Variants in ERVFRD-1 observed in about 807,000 individuals in gnomAD.
ERVFRD-1 encodes the protein syncytin-2.
In ERVFRD-1, 33 loss-of-function variants were observed where a neutral mutation model predicts 43.8. That is an observed-to-expected ratio of 0.75 (90% CI 0.57 to 1.01). The LOEUF is 1.01. Among genes scored for constraint, ERVFRD-1 ranks in the 50% least tolerant of loss-of-function variants. The pLI, the probability that ERVFRD-1 is intolerant of heterozygous loss-of-function variation, is 0.00. For missense variants in ERVFRD-1, 568 were observed against 658.4 expected (o/e 0.86, Z 1.50); for synonymous variants, 239 against 244.4 (o/e 0.98, Z 0.21).
rs1581910652 is a variant in ERVFRD-1 at position 11,102,721 on chromosome 6, T to A, written c.*973A>T. The A allele has an allele frequency of 6.6e-6, 1 of 152,208 alleles. No individual in the cohort carries two copies. Among genetic ancestry groups the A allele is most frequent in the East Asian group, 1.9e-4 (1 of 5,198 alleles). The allele number at this position is 152,208 out of a possible 1,614,324, so 9.4% of individuals were successfully genotyped here. On this transcript the variant is annotated 3_prime_UTR_variant, in exon 2 of 2. Transcript: ENST00000472091. The stretch of plus-strand genomic sequence containing the variant: ...CTGTTTACACTGAGTCGGGTGTTAG[T>A]TTGCTTGGTGCTGGAACCTAAATGG...
intron 1 of ERVFRD-1, among the ~76,000 whole-genome samples, chr6:11,108,294 C>CT: frequency 6.6e-6 from 1 of 152,218 alleles, no homozygotes; most frequent in East Asian, 1.9e-4. Flanking sequence ...CAAAAGAAAA[C>CT]TTACAGTCCT....
chr6:11,104,299 G>C lies in ERVFRD-1; in HGVS notation c.1012C>G (p.Pro338Ala). 1.3e-6 allele frequency: 2 copies of C among 1,551,676 alleles called. No individual in the cohort carries two copies. The highest frequency in any genetic ancestry group is 1.7e-6 in the Non-Finnish European group (2 of 1,146,982). The change falls in exon 2 of 2, where the codon CCA becomes GCA. Residue 338 changes from proline (P) to alanine (A), a missense_variant. Coordinates refer to ENST00000472091, the MANE Select transcript of ERVFRD-1 (RefSeq NM_207582.3). The part of the protein sequence containing the change: ...IAPGNLSLPI[P>A]IYGNSPLPRV... ...GGCAACGGGGAATTCCCATAGATTG[G>C]TATTGGAAGAGAGAGATTGCCAGGG...
chr6:11,103,190 C>T lies in ERVFRD-1; in HGVS notation c.*504G>A, dbSNP rs549762974. 1.3e-5 allele frequency: 2 copies of T among 154,996 alleles called. No homozygotes were observed. Among genetic ancestry groups the T allele is most frequent in the South Asian group, 4.0e-4 (2 of 4,950 alleles). 9.6% of individuals were successfully genotyped at this position (154,996 alleles called of 1,614,324 possible). On this transcript the variant is annotated 3_prime_UTR_variant, in exon 2 of 2. Transcript: ENST00000472091. Reference sequence around the variant, plus strand: ...AGGAAGGTCATATATGAGTTAAATGCCACTATTTTGCCTCTTAGGGTGCAT... The same window carrying T: ...AGGAAGGTCATATATGAGTTAAATGTCACTATTTTGCCTCTTAGGGTGCAT...
rs1320246812 is a variant in ERVFRD-1, at chr6:11,104,467, G to C, written c.844C>G (p.Pro282Ala). The C allele has an allele frequency of 1.9e-6, 3 of 1,552,322 alleles. No individual in the cohort carries two copies. The highest frequency in any genetic ancestry group is 2.6e-6 in the Non-Finnish European group (3 of 1,147,252). The change falls in exon 2 of 2, where the codon CCC (proline) becomes GCC (alanine). Residue 282 changes from proline to alanine, a missense_variant. By Grantham distance (27) the Pro-to-Ala change is conservative. Coordinates refer to ENST00000472091, the MANE Select transcript of ERVFRD-1 (RefSeq NM_207582.3). ...GTAGAGATATGGAAATGAAATAAGG[G>C]GGTGAGGGAGGTTCCAAAAAATTCT... ...VSEFFGTSLT[P>A]LFHFHISTCL...
chr6:11,110,452 T>C (rs1758150533), intron 1 of ERVFRD-1, among the ~76,000 whole-genome samples: 1 of 152,204 alleles, frequency 6.6e-6, no homozygotes, highest in Non-Finnish European at 1.5e-5. Flanking sequence ...ATTTCCCATG[T>C]TCTTTAAGAA....
In ERVFRD-1 at chr6:11,103,163, A is replaced by G. The variant is rs1758020856; in HGVS notation, c.*531T>C. ...TTTCCCTTACCAGTCAAGCCTTCCT[A>G]AAGGAAGGTCATATATGAGTTAAAT... On this transcript the variant is annotated 3_prime_UTR_variant, in exon 2 of 2. Coordinates refer to ENST00000472091, the MANE Select transcript of ERVFRD-1 (RefSeq NM_207582.3). 1 of 152,724 alleles carries G rather than the reference A, an allele frequency of 6.5e-6. No homozygotes were observed. The highest frequency in any genetic ancestry group is 2.4e-5 in the African/African-American group (1 of 41,440). 9.5% of individuals were successfully genotyped at this position (152,724 alleles called of 1,614,324 possible). A position where few individuals can be genotyped will look rare whatever the true frequency, so the allele number is the denominator to read the frequency against.
chr6:11,111,268 A>G (rs1357655439), intron 1 of ERVFRD-1, among the ~76,000 whole-genome samples: 1 of 152,244 alleles, frequency 6.6e-6, no homozygotes, highest in East Asian at 1.9e-4. Flanking sequence ...CTTACCCCCA[A>G]GGCAGTTGGT....
At chr6:11,111,522 G>A (rs1581915128) in intron 1 of ERVFRD-1, among the ~76,000 whole-genome samples, 155 bp downstream of exon 1, 1 of 152,312 alleles carries the variant, frequency 6.6e-6, no homozygotes, top group East Asian at 1.9e-4. Context: ...TTCGGGGTGA[G>A]CAGAGAGAGC....
Position 11,104,625 on chromosome 6 carries a change from A to G in ERVFRD-1, c.686T>C (p.Leu229Pro), listed in dbSNP as rs779084560. ...SNLSSTAEWV[L>P]LDQTRNSLFW... ...AAGAGAATTTCGAGTTTGGTCCAAT[A>G]GAACCCATTCCGCTGTAGAGCTGAG... Residue 229 changes from leucine (L) to proline (P), a missense_variant, in exon 2 of 2, where the codon CTA becomes CCA. Coordinates refer to ENST00000472091, the MANE Select transcript of ERVFRD-1 (RefSeq NM_207582.3). 4 of 1,614,248 alleles carry G rather than the reference A, an allele frequency of 2.5e-6. No homozygotes were observed. Among genetic ancestry groups the G allele is most frequent in the Non-Finnish European group, 2.5e-6 (3 of 1,180,052 alleles).
chr6:11,104,451 T>G lies in ERVFRD-1; in HGVS notation c.860A>C (p.His287Pro). 2 of 1,551,836 alleles carry G rather than the reference T, an allele frequency of 1.3e-6. No individual in the cohort carries two copies. Among genetic ancestry groups the G allele is most frequent in the Non-Finnish European group, 1.7e-6 (2 of 1,147,066 alleles). Residue 287 changes from histidine (H) to proline (P), a missense_variant, in exon 2 of 2, where the codon CAT becomes CCT. By Grantham distance (77) the His-to-Pro change is moderately conservative. Transcript: ENST00000472091. ...TTGAGTTTTAAGGCATGTAGAGATATGGAAATGAAATAAGGGGGTGAGGGA... is the reference window on the plus strand; with the variant it reads ...TTGAGTTTTAAGGCATGTAGAGATAGGGAAATGAAATAAGGGGGTGAGGGA... ...GTSLTPLFHF[H>P]ISTCLKTQGA...
chr6:11,103,530 CAG>C lies in ERVFRD-1; in HGVS notation c.*162_*163del, dbSNP rs1198507882. ...GTCTTCTTTAACTGCTTCCTGCTGA[CAG>C]AGGGGCTGTAGTGGTTGTTCTGTGG... On this transcript the variant is annotated 3_prime_UTR_variant, in exon 2 of 2. Coordinates refer to ENST00000472091, the MANE Select transcript of ERVFRD-1 (RefSeq NM_207582.3). 1 of 1,015,828 alleles carries C rather than the reference CAG, an allele frequency of 9.8e-7. No individual in the cohort carries two copies. The highest frequency in any genetic ancestry group is 1.4e-6 in the Non-Finnish European group (1 of 735,412). 62.9% of individuals were successfully genotyped at this position (1,015,828 alleles called of 1,614,324 possible).
rs778724076 is a variant in ERVFRD-1, at chr6:11,103,848, C to T, written c.1463G>A (p.Gly488Asp). ...CAAAAGTAGGAGACTAACAAGTGGG[C>T]CTGTAAGGGGAAGAACCCAAGAGAA... is the stretch of plus-strand genomic sequence containing the variant. ...KWFSWVLPLTGPLVSLLLLLL... is the reference protein window; with the variant it reads ...KWFSWVLPLTDPLVSLLLLLL... Residue 488 changes from glycine (G) to aspartate (D), a missense_variant, in exon 2 of 2, where the codon GGC becomes GAC. Coordinates refer to ENST00000472091, the MANE Select transcript of ERVFRD-1 (RefSeq NM_207582.3). 4 of 1,551,610 alleles carry T rather than the reference C, an allele frequency of 2.6e-6. No individual in the cohort carries two copies. The highest frequency in any genetic ancestry group is 2.4e-5 in the East Asian group (1 of 40,920).
intron 1 of ERVFRD-1, among the ~76,000 whole-genome samples, chr6:11,106,437 A>G (rs905761674): frequency 2.6e-5 from 4 of 152,200 alleles, no homozygotes; most frequent in African/African-American, 7.2e-5. Flanking sequence ...CCTGTTGAAT[A>G]GTTTTATTTA....
Position 11,103,424 on chromosome 6 carries a change from T to C in ERVFRD-1, c.*270A>G, listed in dbSNP as rs542789033. 2.7e-4 allele frequency: 119 copies of C among 437,672 alleles called. No individual in the cohort carries two copies. In the East Asian group the frequency reaches 4.3e-3, roughly 16 times the overall value. The allele number at this position is 437,672 out of a possible 1,614,324, so 27.1% of individuals were successfully genotyped here. ...AGGGGGCCCTCCCCTGCCCTGCTCA[T>C]GTCTGACTAGCTACCTGCTCCAACA... is the stretch of plus-strand genomic sequence containing the variant. On this transcript the variant is annotated 3_prime_UTR_variant, in exon 2 of 2. Coordinates refer to ENST00000472091, the MANE Select transcript of ERVFRD-1 (RefSeq NM_207582.3).
chr6:11,111,173 T>C (rs1325947874), intron 1 of ERVFRD-1, among the ~76,000 whole-genome samples: 3 of 152,086 alleles, frequency 2.0e-5, no homozygotes, highest in Non-Finnish European at 4.4e-5. Context: ...GAGCTGCGGG[T>C]GCATGAATAA....
chr6:11,108,729 T>G (rs1010758365), intron 1 of ERVFRD-1, among the ~76,000 whole-genome samples: 2 of 152,202 alleles, frequency 1.3e-5, no homozygotes, highest in African/African-American at 4.8e-5. Context: ...GAACCTACTT[T>G]GCAGATGTCA....
rs1561752871 is a variant in ERVFRD-1, at chr6:11,104,733, C to G, written c.578G>C (p.Cys193Ser). Reference protein sequence around the residue: ...GTLLDKSSRFCQGRPSSCSTR... With the variant: ...GTLLDKSSRFSQGRPSSCSTR... ...ACTGCATGAGCTTGGGCGTCCCTGG[C>G]AAAACCGGCTGGATTTATCTAGCAA... Residue 193 changes from cysteine (C) to serine (S), a missense_variant, in exon 2 of 2, where the codon TGC (cysteine) becomes TCC (serine). Coordinates refer to ENST00000472091, the MANE Select transcript of ERVFRD-1 (RefSeq NM_207582.3). 1 of 1,614,174 alleles carries G rather than the reference C, an allele frequency of 6.2e-7. No homozygotes were observed.
chr6:11,105,205 C>T lies in ERVFRD-1; in HGVS notation c.106G>A (p.Gly36Arg). Residue 36 changes from glycine (G) to arginine (R), a missense_variant, in exon 2 of 2, where the codon GGA (glycine) becomes AGA (arginine). Gly to Arg is a moderately radical substitution (Grantham distance 125, BLOSUM62 -2). Coordinates refer to ENST00000472091, the MANE Select transcript of ERVFRD-1 (RefSeq NM_207582.3). ...EKAQQLLQST[G>R]SPYSTNCWLC... ...CAGCAATTGGTGGAGTAAGGGGATC[C>T]TGTACTTTGGAGCAGTTGCTGAGCT... The T allele has an allele frequency of 6.2e-7, 1 of 1,614,118 alleles. No homozygotes were observed. Among genetic ancestry groups the T allele is most frequent in the African/African-American group, 1.3e-5 (1 of 75,014 alleles).
In ERVFRD-1 at chr6:11,102,649, C is replaced by G. The variant is rs1299647079; in HGVS notation, c.*1045G>C. ...AATACTTGGTTAAAGTTGAAAGGACCTAGTTAGAGGTTAGATGGTGGTTTC... is the reference window on the plus strand; with the variant it reads ...AATACTTGGTTAAAGTTGAAAGGACGTAGTTAGAGGTTAGATGGTGGTTTC... On this transcript the variant is annotated 3_prime_UTR_variant, in exon 2 of 2. Coordinates refer to ENST00000472091, the MANE Select transcript of ERVFRD-1 (RefSeq NM_207582.3). The G allele has an allele frequency of 6.6e-6, 1 of 152,194 alleles. No homozygotes were observed. Among genetic ancestry groups the G allele is most frequent in the Non-Finnish European group, 1.5e-5 (1 of 68,044 alleles). The allele number at this position is 152,194 out of a possible 1,614,324, so 9.4% of individuals were successfully genotyped here.
Sources: gnomAD v4.1 joint callset for allele counts (sites outside exome capture counted in the v4.1 genomes callset) on GRCh38, gnomAD v4.1.1 for gene constraint, MANE v1.5 for transcripts, NCBI Gene and HGNC (gene_info 2026-07-23, HGNC 2026-07-21) for gene names.